Variants in ZNF69 observed in about 807,000 individuals in gnomAD.
ZNF69 encodes ZNF3.
A neutral mutation model predicts 50.9 loss-of-function variants in ZNF69; 47 were observed. The ratio of observed to expected loss-of-function variants is 0.92; its 90% CI spans 0.73 to 1.18. The LOEUF (loss-of-function observed/expected upper bound fraction) is 1.18. Ranked by LOEUF, ZNF69 falls within the 50% of genes most tolerant of loss-of-function variation. The pLI is 0.00. For missense variants in ZNF69, 717 were observed against 675.1 expected (o/e 1.06, Z -0.69); for synonymous variants, 216 against 223.1 (o/e 0.97, Z 0.29).
Position 11,904,674 on chromosome 19 carries a change from G to A in ZNF69, c.277G>A (p.Glu93Lys). Residue 93 changes from glutamate to lysine, a missense_variant, in exon 4 of 4, where the codon GAA becomes AAA. Transcript: ENST00000429654. ...GAGTCTCATAGAAAAGAAAGTCAAT[G>A]AAATTAAAGATGACAGTCATTGTGG... ...FRSLIEKKVNEIKDDSHCGET... is the reference protein window; with the variant it reads ...FRSLIEKKVNKIKDDSHCGET... 1 of 1,612,738 alleles carries A rather than the reference G, an allele frequency of 6.2e-7. No homozygotes were observed. Among genetic ancestry groups the A allele is most frequent in the Non-Finnish European group, 8.5e-7 (1 of 1,179,638 alleles).
chr19:11,941,515 C>T, the ZNF69 span, among the ~76,000 whole-genome samples: 3 of 152,344 alleles, frequency 2.0e-5, no homozygotes, highest in Non-Finnish European at 2.9e-5. Flanking sequence ...GGACCCAGTA[C>T]ACCCTCTGCA....
chr19:11,892,710 A>G (rs954958074), intron 1 of ZNF69, among the ~76,000 whole-genome samples: 2 of 152,240 alleles, frequency 1.3e-5, no homozygotes, highest in African/African-American at 4.8e-5. Flanking sequence ...AAAGAAGGCG[A>G]ATCTGTAATC....
the ZNF69 span, chr19:11,948,409 T>G: frequency 1.9e-6 from 3 of 1,614,110 alleles, no homozygotes; most frequent in Non-Finnish European, 2.5e-6. Flanking sequence ...ATGTGACAGC[T>G]TTGTGTGTGC....
chr19:11,894,400 A>G (rs1053040803), intron 1 of ZNF69, among the ~76,000 whole-genome samples: 3 of 152,290 alleles, frequency 2.0e-5, no homozygotes, highest in South Asian at 4.1e-4. Flanking sequence ...TTGGTCTCCC[A>G]AAGTGCTGGG....
At chr19:11,941,668 G>A in the ZNF69 span, among the ~76,000 whole-genome samples, 27 of 152,280 alleles carry the variant, frequency 1.8e-4, no homozygotes, top group Non-Finnish European at 3.1e-4. Context: ...GTTCCCGCTC[G>A]CGCCTCTCCC....
intron 1 of ZNF69, among the ~76,000 whole-genome samples, chr19:11,900,329 A>AG (rs1972217092): frequency 6.7e-6 from 1 of 150,124 alleles, no homozygotes; most frequent in Non-Finnish European, 1.5e-5. Flanking sequence ...TACATTCTTT[A>AG]GGGGGAGGTA....
chr19:11,908,981 A>G (rs1440872909), downstream of ZNF69, among the ~76,000 whole-genome samples: 1 of 152,226 alleles, frequency 6.6e-6, no homozygotes, highest in Non-Finnish European at 1.5e-5. Context: ...AAAAAATGAT[A>G]AAGGGGATAT....
At chr19:11,949,228 T>C in the ZNF69 span, 1 of 1,613,762 alleles carries the variant, frequency 6.2e-7, no homozygotes, top group Non-Finnish European at 8.5e-7. Flanking sequence ...CTTCAATCTT[T>C]CCAGTTCCTT....
At chr19:11,977,903 A>G in the ZNF69 span, among the ~76,000 whole-genome samples, 1 of 152,122 alleles carries the variant, frequency 6.6e-6, no homozygotes, top group African/African-American at 2.4e-5. Flanking sequence ...AATAGTTTAC[A>G]TGGGAATAGT....
At chr19:11,962,602 C>G in the ZNF69 span, among the ~76,000 whole-genome samples, 1 of 123,774 alleles carries the variant, frequency 8.1e-6, no homozygotes, top group African/African-American at 4.0e-5. Context: ...CTCAAGTGAC[C>G]CCCCCCCACC....
chr19:11,961,251 C>T, the ZNF69 span, among the ~76,000 whole-genome samples: 6 of 152,308 alleles, frequency 3.9e-5, no homozygotes, highest in Admixed American at 3.3e-4. Context: ...AGAACTCTGT[C>T]TCTCCAACAT....
chr19:11,939,927 G>A, the ZNF69 span: 1 of 151,644 alleles, frequency 6.6e-6, no homozygotes, highest in Non-Finnish European at 1.5e-5. Context: ...TTTCACGCAT[G>A]TTGTAGTATG....
At chr19:11,974,618 G>T in the ZNF69 span, among the ~76,000 whole-genome samples, 1 of 141,640 alleles carries the variant, frequency 7.1e-6, no homozygotes, top group Non-Finnish European at 1.5e-5. Context: ...TGGGCGGGGG[G>T]GTGGGGTGTA....
chr19:11,974,069 T>TTTTCTTTCTTTCTTTCTTTC, the ZNF69 span, among the ~76,000 whole-genome samples: 4 of 114,776 alleles, frequency 3.5e-5, no homozygotes, highest in Admixed American at 9.6e-5. Context: ...TCCTTCTTTC[T>TTTTCTTTCTTTCTTTCTTTC]TTTCTTTCTT....
intron 1 of ZNF69, among the ~76,000 whole-genome samples, chr19:11,901,222 C>T (rs757358440): frequency 1.1e-4 from 17 of 152,112 alleles, no homozygotes; most frequent in Non-Finnish European, 2.1e-4. Flanking sequence ...TTCTATGTTC[C>T]TAGTGCCTCT....
downstream of ZNF69, among the ~76,000 whole-genome samples, chr19:11,911,603 A>T (rs1455139711): frequency 6.6e-6 from 1 of 152,168 alleles, no homozygotes. Context: ...ATTCTCACTC[A>T]TAGGAGAGAA....
the ZNF69 span, among the ~76,000 whole-genome samples, chr19:11,939,361 C>G: frequency 6.6e-6 from 1 of 152,062 alleles, no homozygotes; most frequent in Admixed American, 6.6e-5. Context: ...GGTTTTAGGT[C>G]TAACATTTAA....
chr19:11,961,229 TGAGA>T, the ZNF69 span, among the ~76,000 whole-genome samples: 2 of 151,922 alleles, frequency 1.3e-5, no homozygotes, highest in Admixed American at 1.3e-4. Flanking sequence ...ATGGGATTAG[TGAGA>T]GAGAGAGAGA....
rs1200678702 is a variant in ZNF69 at position 11,903,564 on chromosome 19, A to G, written c.64-9A>G. The G allele has an allele frequency of 1.2e-6, 2 of 1,613,946 alleles. No homozygotes were observed. The highest frequency in any genetic ancestry group is 1.7e-6 in the Non-Finnish European group (2 of 1,179,956). ...ACCCATCCTCCTCTACACATGTGAGATGTTTCAGGACCCAGTGGCCTTTGA... is the reference window on the plus strand; with the variant it reads ...ACCCATCCTCCTCTACACATGTGAGGTGTTTCAGGACCCAGTGGCCTTTGA... On this transcript the variant is annotated splice_polypyrimidine_tract_variant and intron_variant, in intron 1 of 3. Transcript: ENST00000429654.
Sources: gnomAD v4.1 joint callset for allele counts (sites outside exome capture counted in the v4.1 genomes callset) on GRCh38, gnomAD v4.1.1 for gene constraint, MANE v1.5 for transcripts, NCBI Gene and HGNC (gene_info 2026-07-23, HGNC 2026-07-21) for gene names.